Variants in STXBP2 observed in about 807,000 individuals in gnomAD.
STXBP2 encodes the protein syntaxin binding protein 2, also known as syntaxin-binding protein 2.
STXBP2 carries 47 observed loss-of-function variants against 72.2 expected under a neutral mutation model. The observed-to-expected ratio is 0.65, with a 90% CI of 0.51 to 0.83. The LOEUF (loss-of-function observed/expected upper bound fraction) is 0.83. Among genes scored for constraint, STXBP2 ranks in the 40% least tolerant of loss-of-function variants. The pLI, the probability that STXBP2 is intolerant of heterozygous loss-of-function variation, is 0.00. For synonymous variants in STXBP2, 367 were observed against 338.7 expected (o/e 1.08, Z -0.92); for missense variants, 702 against 807.6 (o/e 0.87, Z 1.58).
In STXBP2 at chr19:7,639,599, G is replaced by A. The variant is rs556302009; in HGVS notation, c.170-132G>A. On this transcript the variant is annotated intron_variant, in intron 3 of 18. Coordinates refer to ENST00000221283, the MANE Select transcript of STXBP2 (RefSeq NM_006949.4). Reference sequence around the variant, plus strand: ...GTGGCTCTTAGCTGGTGGTCCCTAAGTGGGTTTCTCCTGCAGTCCCTCCTA... The same window carrying A: ...GTGGCTCTTAGCTGGTGGTCCCTAAATGGGTTTCTCCTGCAGTCCCTCCTA... 1.6e-5 allele frequency: 13 copies of A among 805,134 alleles called. No individual in the cohort carries two copies. The East Asian group carries it at 3.2e-4, about 20-fold the overall frequency. The allele number at this position is 805,134 out of a possible 1,614,324, so 49.9% of individuals were successfully genotyped here. A position where few individuals can be genotyped will look rare whatever the true frequency, so the allele number is the denominator to read the frequency against.
intron 16 of STXBP2, chr19:7,646,903 C>T (rs909061375): frequency 2.9e-5 from 17 of 576,582 alleles, no homozygotes; most frequent in East Asian, 5.8e-5. Flanking sequence ...ACTGGGTTGC[C>T]GAGGAACTGT....
chr19:7,632,462 C>G, upstream of STXBP2: 1 of 1,613,828 alleles, frequency 6.2e-7, no homozygotes, highest in Non-Finnish European at 8.5e-7. The surrounding 1 kb of genome is among the most constrained non-coding windows in gnomAD (Gnocchi z 5.2). Context: ...TGCGGCGGCC[C>G]TGGGTACTGG....
upstream of STXBP2, chr19:7,633,024 C>T (rs1436134077): frequency 4.9e-6 from 7 of 1,430,462 alleles, no homozygotes; most frequent in Middle Eastern, 2.3e-4. Context: ...ATCCCGGCCC[C>T]CGCCCCAGGG....
upstream of STXBP2, among the ~76,000 whole-genome samples, chr19:7,635,959 C>T (rs527768308): frequency 3.3e-4 from 51 of 152,272 alleles, no homozygotes; most frequent in South Asian, 0.01. Flanking sequence ...CCCTTCTCTA[C>T]CTGGACATGC....
chr19:7,633,403 T>C (rs2031415852), upstream of STXBP2: 1 of 1,567,986 alleles, frequency 6.4e-7, no homozygotes, highest in South Asian at 1.2e-5. Context: ...CAGGGCCCTC[T>C]CACCTCGGCA....
the STXBP2 span, chr19:7,629,890 C>T: frequency 4.0e-6 from 6 of 1,514,628 alleles, no homozygotes; most frequent in Admixed American, 6.4e-5. Context: ...GGTTGGGAGG[C>T]TGGGCAGGGG....
At position 7,647,661 on chromosome 19, in the gene STXBP2, G is replaced by GACAC. The variant is rs1568472355; in HGVS notation, c.1697-64_1697-63insACAC. Reference sequence around the variant, plus strand: ...GACAGCCCCACACCAGCCGGGACCGGGAGCCTGTCAAAGACGAAGGCAGCG... The same window carrying GACAC: ...GACAGCCCCACACCAGCCGGGACCGGACACGAGCCTGTCAAAGACGAAGGCAGCG... On this transcript the variant is annotated intron_variant, in intron 18 of 18. Coordinates refer to ENST00000221283, the MANE Select transcript of STXBP2 (RefSeq NM_006949.4). 3.7e-6 allele frequency: 6 copies of GACAC among 1,605,236 alleles called. No homozygotes were observed. The African/African-American group carries it at 8.0e-5, about 22-fold the overall frequency.
In STXBP2 at chr19:7,638,706, C is replaced by CA; in HGVS notation, c.38-20_38-19insA. ...GACCAGAGAACCAGCATTCTGACCC[C>CA]TCCCCTCCCTTCCCTGCAGAAATTC... On this transcript the variant is annotated intron_variant, in intron 1 of 18. Coordinates refer to ENST00000221283, the MANE Select transcript of STXBP2 (RefSeq NM_006949.4). 1 of 1,613,888 alleles carries CA rather than the reference C, an allele frequency of 6.2e-7. No homozygotes were observed. Among genetic ancestry groups the CA allele is most frequent in the East Asian group, 2.2e-5 (1 of 44,876 alleles).
chr19:7,630,751 A>G, the STXBP2 span: 2 of 1,535,828 alleles, frequency 1.3e-6, no homozygotes, highest in Non-Finnish European at 8.7e-7. Flanking sequence ...TGCCTCCCAT[A>G]AGCCGACCCT....
At position 7,642,686 on chromosome 19, in the gene STXBP2, C is replaced by T; in HGVS notation, c.903-80C>T. 1 of 1,500,036 alleles carries T rather than the reference C, an allele frequency of 6.7e-7. No individual in the cohort carries two copies. The highest frequency in any genetic ancestry group is 1.1e-5 in the South Asian group (1 of 87,756). The allele number at this position is 1,500,036 out of a possible 1,614,324, so 92.9% of individuals were successfully genotyped here. The stretch of plus-strand genomic sequence containing the variant: ...GGCCTCCAATTTCACCCCACCTCTC[C>T]CTGTCCCCCCTGAGTGGGCTCACCC... On this transcript the variant is annotated intron_variant, in intron 10 of 18. Transcript: ENST00000221283. This position sits in a 1 kb window ranked among gnomAD's most constrained non-coding sequence, Gnocchi z 6.0.
At position 7,647,198 on chromosome 19, in the gene STXBP2, C is replaced by T; in HGVS notation, c.1489C>T (p.Pro497Ser). 6.2e-7 allele frequency: 1 copy of T among 1,611,972 alleles called. No homozygotes were observed. The highest frequency in any genetic ancestry group is 8.5e-7 in the Non-Finnish European group (1 of 1,179,862). ...GGACCGGCTGGACAGGAACCTGTGG[C>T]CCTTCGTATCCGACCCCGCCCCCAC... ...VEDRLDRNLW[P>S]FVSDPAPTAS... Residue 497 changes from proline (P) to serine (S), a missense_variant, in exon 17 of 19, where the codon CCC becomes TCC. Transcript: ENST00000221283.
At chr19:7,647,569 T>G (rs1050051047) in intron 18 of STXBP2, 58 bp downstream of exon 18, 2 of 1,576,898 alleles carry the variant, frequency 1.3e-6, no homozygotes, top group Non-Finnish European at 1.7e-6. Context: ...GGGCCTGGGC[T>G]TGTACCTTCT....
At chr19:7,639,597 A>C in intron 3 of STXBP2, 134 bp from the exon 4 acceptor site, 1 of 791,156 alleles carries the variant, frequency 1.3e-6, no homozygotes, top group Admixed American at 2.0e-5. Context: ...GGTGGTCCCT[A>C]AGTGGGTTTC....
chr19:7,647,524 G>A lies in STXBP2; in HGVS notation c.1696+13G>A. Reference sequence around the variant, plus strand: ...GAGGTGCTCATTGGTAAGTCACCAGGACTGGGACCCTGGGGTCTGGGGCTT... The same window carrying A: ...GAGGTGCTCATTGGTAAGTCACCAGAACTGGGACCCTGGGGTCTGGGGCTT... On this transcript the variant is annotated intron_variant, in intron 18 of 18. Transcript: ENST00000221283. 1 of 1,585,834 alleles carries A rather than the reference G, an allele frequency of 6.3e-7. No homozygotes were observed.
rs1235616402 is a variant in STXBP2 at position 7,639,921 on chromosome 19, T to C, written c.246+114T>C. The C allele has an allele frequency of 2.6e-6, 3 of 1,162,552 alleles. No individual in the cohort carries two copies. In the South Asian group the frequency reaches 4.0e-5, roughly 15 times the overall value. 72.0% of individuals were successfully genotyped at this position (1,162,552 alleles called of 1,614,324 possible). A position where few individuals can be genotyped will look rare whatever the true frequency, so the allele number is the denominator to read the frequency against. ...GTGCATGTGTATACGTGTGCATGTG[T>C]CCATGTGTATGTGTGTGCATGTGTG... On this transcript the variant is annotated intron_variant, in intron 4 of 18. Coordinates refer to ENST00000221283, the MANE Select transcript of STXBP2 (RefSeq NM_006949.4).
At chr19:7,630,691 T>G in the STXBP2 span, 2 of 1,533,650 alleles carry the variant, frequency 1.3e-6, no homozygotes, top group Non-Finnish European at 1.7e-6. Context: ...GAGGGTTCAT[T>G]CCAGGGGTGG....
rs1249361837 is a variant in STXBP2 at position 7,639,816 on chromosome 19, A to G, written c.246+9A>G. 18 of 1,613,770 alleles carry G rather than the reference A, an allele frequency of 1.1e-5. 1 individual carries two copies. Among genetic ancestry groups the G allele is most frequent in the South Asian group, 5.5e-5 (5 of 91,014 alleles). The stretch of plus-strand genomic sequence containing the variant: ...TGAGCCCCACGGAGAAGGTGCCTAC[A>G]TGAGTGAGCGTGTGTGTATGCGCGT... On this transcript the variant is annotated intron_variant, in intron 4 of 18. Coordinates refer to ENST00000221283, the MANE Select transcript of STXBP2 (RefSeq NM_006949.4).
chr19:7,639,490 G>A (rs902189800), intron 3 of STXBP2: 1 of 596,356 alleles, frequency 1.7e-6, no homozygotes. Context: ...TGCTGAGGGA[G>A]CCTGTCCTCT....
At chr19:7,633,053 A>G, upstream of STXBP2, 1 of 1,389,930 alleles carries the variant, frequency 7.2e-7, no homozygotes, top group Non-Finnish European at 9.4e-7. Context: ...CAGCAGTGCC[A>G]CTTCACGTGG....
Sources: gnomAD v4.1 joint callset for allele counts (sites outside exome capture counted in the v4.1 genomes callset) on GRCh38, gnomAD v4.1.1 for gene constraint, Gnocchi (gnomAD v3.1) non-coding constraint, MANE v1.5 for transcripts, NCBI Gene and HGNC (gene_info 2026-07-23, HGNC 2026-07-21) for gene names.